The following CNTN5 variants were observed in gnomAD, a reference collection of about 807,000 sequenced individuals.
CNTN5 encodes contactin 5.
In CNTN5, 77 loss-of-function variants were observed where a neutral mutation model predicts 129.1. The ratio of observed to expected loss-of-function variants is 0.60; its 90% CI spans 0.50 to 0.72. CNTN5 has a LOEUF of 0.72. Among genes scored for constraint, CNTN5 ranks in the 30% least tolerant of loss-of-function variants. CNTN5 has a pLI of 0.00. For synonymous variants in CNTN5, 509 were observed against 465.6 expected, an observed-to-expected ratio of 1.09 and a Z score of -1.20; for missense variants, 1,478 against 1,328.8, an observed-to-expected ratio of 1.11 and a Z score of -1.75.
intron 3 of CNTN5, among the ~76,000 whole-genome samples, chr11:99,770,017 A>T (rs981096212): frequency 6.6e-6 from 1 of 152,138 alleles, no homozygotes; most frequent in East Asian, 1.9e-4. Context: ...CAATATCAGT[A>T]TCACTACCTA....
chr11:99,469,209 T>C (rs527566382), intron 2 of CNTN5, among the ~76,000 whole-genome samples: 1 of 152,246 alleles, frequency 6.6e-6, no homozygotes, highest in Non-Finnish European at 1.5e-5. Flanking sequence ...ATTCATTATG[T>C]TCAAAATAGC....
At chr11:99,254,241 G>A (rs771977045) in intron 1 of CNTN5, among the ~76,000 whole-genome samples, 8 of 151,782 alleles carry the variant, frequency 5.3e-5, no homozygotes, top group Non-Finnish European at 4.4e-5. Flanking sequence ...GATGGATAAA[G>A]TATTCTAGGG....
chr11:99,186,438 G>T (rs949199217), intron 1 of CNTN5, among the ~76,000 whole-genome samples: 1 of 151,820 alleles, frequency 6.6e-6, no homozygotes, highest in African/African-American at 2.4e-5. Context: ...TAAAAATACT[G>T]TTCTGTTGAT....
intron 4 of CNTN5, among the ~76,000 whole-genome samples, chr11:99,843,640 TAAC>T (rs947013171): frequency 6.6e-6 from 1 of 152,160 alleles, no homozygotes; most frequent in Admixed American, 6.5e-5. Flanking sequence ...AGAGCACATA[TAAC>T]AATGTCTGGA....
At chr11:99,903,392 C>T (rs1029215800) in intron 6 of CNTN5, among the ~76,000 whole-genome samples, 3 of 151,652 alleles carry the variant, frequency 2.0e-5, no homozygotes, top group African/African-American at 7.3e-5. Flanking sequence ...AATTCTTATG[C>T]AGTTTGGGAC....
intron 13 of CNTN5, among the ~76,000 whole-genome samples, chr11:100,184,039 A>T (rs969767735): frequency 6.6e-6 from 1 of 152,124 alleles, no homozygotes; most frequent in Non-Finnish European, 1.5e-5. Context: ...AGCTCAAATC[A>T]ATCACCCTTC....
At chr11:100,042,330 A>G (rs547564130) in intron 9 of CNTN5, among the ~76,000 whole-genome samples, 11 of 152,006 alleles carry the variant, frequency 7.2e-5, no homozygotes, top group African/African-American at 2.2e-4. Context: ...GAGAAAAGTT[A>G]TAAAACTTGG....
intron 1 of CNTN5, among the ~76,000 whole-genome samples, chr11:99,289,572 C>T (rs1864081779): frequency 6.6e-6 from 1 of 151,666 alleles, no homozygotes; most frequent in South Asian, 2.1e-4. Context: ...ATTCTTGTCA[C>T]CTTTTATGTA....
intron 1 of CNTN5, among the ~76,000 whole-genome samples, chr11:99,324,405 C>A (rs529123562): frequency 6.6e-6 from 1 of 152,164 alleles, no homozygotes; most frequent in Admixed American, 6.5e-5. Flanking sequence ...AAGAGAAAAA[C>A]AGTAAAATAT....
chr11:99,549,546 T>C (rs1420404247), intron 2 of CNTN5, among the ~76,000 whole-genome samples: 1 of 152,202 alleles, frequency 6.6e-6, no homozygotes, highest in Non-Finnish European at 1.5e-5. Context: ...TCACATCTAG[T>C]ACGTTTTTCT....
chr11:100,295,023 C>T (rs1296173777), intron 18 of CNTN5, among the ~76,000 whole-genome samples: 2 of 151,604 alleles, frequency 1.3e-5, no homozygotes, highest in South Asian at 2.1e-4. Flanking sequence ...GCAGCTATTA[C>T]AGCCTAAAGT....
intron 3 of CNTN5, among the ~76,000 whole-genome samples, chr11:99,650,796 C>T (rs1324020452): frequency 1.3e-5 from 2 of 151,808 alleles, no homozygotes; most frequent in East Asian, 3.9e-4. Context: ...TGAAATTGTA[C>T]ACATTTATGG....
chr11:99,346,905 C>T (rs1937918840), intron 2 of CNTN5, among the ~76,000 whole-genome samples: 1 of 152,192 alleles, frequency 6.6e-6, no homozygotes, highest in Non-Finnish European at 1.5e-5. Context: ...TTGGACTTCC[C>T]AGCCTCTGGA....
chr11:99,208,808 TAAAA>T (rs1219184217), intron 1 of CNTN5, among the ~76,000 whole-genome samples: 3 of 151,952 alleles, frequency 2.0e-5, no homozygotes, highest in Non-Finnish European at 4.4e-5. Context: ...TTCAAAATAA[TAAAA>T]AAATGCAATT....
At chr11:100,006,786 C>T (rs1565781953) in intron 9 of CNTN5, among the ~76,000 whole-genome samples, 1 of 152,068 alleles carries the variant, frequency 6.6e-6, no homozygotes, top group Non-Finnish European at 1.5e-5. Flanking sequence ...AATGGCGAAT[C>T]CTCTCTAGAA....
intron 2 of CNTN5, among the ~76,000 whole-genome samples, chr11:99,485,074 C>T (rs1309693674): frequency 6.6e-6 from 1 of 152,008 alleles, no homozygotes; most frequent in Admixed American, 6.5e-5. Context: ...ATATTGAATG[C>T]TCCCAACATA....
chr11:99,970,381 TTAAACTACAATC>T (rs1951216481), intron 8 of CNTN5, among the ~76,000 whole-genome samples: 1 of 152,238 alleles, frequency 6.6e-6, no homozygotes, highest in Non-Finnish European at 1.5e-5. Flanking sequence ...TTACACAAAT[TTAAACTACAATC>T]TATTTGCCTA....
intron 7 of CNTN5, among the ~76,000 whole-genome samples, chr11:99,945,466 T>C (rs1179850228): frequency 1.4e-5 from 2 of 141,354 alleles, no homozygotes; most frequent in African/African-American, 5.3e-5. Context: ...AAGGTAAACA[T>C]AGCAAAAAAT....
intron 9 of CNTN5, among the ~76,000 whole-genome samples, chr11:100,057,097 C>A (rs1249765743): frequency 1.3e-5 from 2 of 150,646 alleles, no homozygotes; most frequent in Non-Finnish European, 3.0e-5. Flanking sequence ...TTGATGTCAG[C>A]ATAAAAGATA....
Sources: allele counts gnomAD v4.1 joint callset (sites outside exome capture counted in the v4.1 genomes callset), GRCh38; gene constraint gnomAD v4.1.1; transcripts MANE v1.5; gene names NCBI Gene and HGNC (gene_info 2026-07-23, HGNC 2026-07-21).